Variants in GPLD1 observed in about 807,000 individuals in gnomAD.
The protein encoded by GPLD1 is glycosylphosphatidylinositol specific phospholipase D1, also known as phosphatidylinositol-glycan-specific phospholipase D.
GPLD1 carries 84 observed loss-of-function variants against 112.6 expected under a neutral mutation model. The ratio of observed to expected loss-of-function variants is 0.75; its 90% CI spans 0.63 to 0.89. The LOEUF (loss-of-function observed/expected upper bound fraction) is 0.89. Ranked by LOEUF, GPLD1 falls within the 40% of genes least tolerant of loss-of-function variation. The probability of loss-of-function intolerance (pLI) is 0.00; values close to 1 mark genes in which losing one functional copy is unlikely to be tolerated. For synonymous variants in GPLD1, 386 were observed against 403.8 expected, an observed-to-expected ratio of 0.96 and a Z score of 0.53; for missense variants, 1,044 against 1,051.5, an observed-to-expected ratio of 0.99 and a Z score of 0.10.
chr6:24,487,622 A>G (rs1764421591), intron 1 of GPLD1, among the ~76,000 whole-genome samples: 1 of 152,212 alleles, frequency 6.6e-6, no homozygotes, highest in African/African-American at 2.4e-5. Flanking sequence ...AACTTCACAG[A>G]ACATAGAACT....
intron 15 of GPLD1, among the ~76,000 whole-genome samples, chr6:24,449,262 C>T (rs1441148196): frequency 5.3e-5 from 8 of 151,992 alleles, no homozygotes; most frequent in Non-Finnish European, 1.0e-4. Context: ...CAGAGGGCAG[C>T]TGGCAAGGGA....
At chr6:24,435,842 AAAAAAG>A (rs1424341279) in intron 22 of GPLD1, 20 of 149,262 alleles carry the variant, frequency 1.3e-4, no homozygotes, top group South Asian at 4.3e-4. Context: ...AAAAAAAAAA[AAAAAAG>A]TTAAATAATG....
intron 5 of GPLD1, among the ~76,000 whole-genome samples, chr6:24,474,734 G>A (rs530571045): frequency 1.3e-5 from 2 of 152,192 alleles, no homozygotes; most frequent in African/African-American, 4.8e-5. Context: ...GAGGTCAGGA[G>A]ATCAAGACCA....
upstream of GPLD1, among the ~76,000 whole-genome samples, chr6:24,492,229 G>C (rs1260710285): frequency 6.6e-6 from 1 of 152,092 alleles, no homozygotes; most frequent in Non-Finnish European, 1.5e-5. Context: ...AAGAGGCTGG[G>C]CACAGTGTCT....
At chr6:24,440,555 T>C (rs1762711608) in intron 20 of GPLD1, among the ~76,000 whole-genome samples, 1 of 116,864 alleles carries the variant, frequency 8.6e-6, no homozygotes, top group Admixed American at 9.7e-5. Context: ...TTATATTTGA[T>C]CATTATCAAA....
At chr6:24,494,804 G>A in intron 1 of GPLD1, 3 of 573,168 alleles carry the variant, frequency 5.2e-6, no homozygotes, top group Non-Finnish European at 7.6e-6. Flanking sequence ...AGGTGCAGAG[G>A]GCGGCGCGGC....
chr6:24,430,621 G>A (rs115955056), intron 24 of GPLD1, among the ~76,000 whole-genome samples: 1,590 of 152,216 alleles, frequency 0.01, 15 homozygotes, highest in Non-Finnish European at 0.016. Flanking sequence ...AGTAGACGCC[G>A]GATCCTAATT....
At chr6:24,477,436 T>C (rs1473752401) in intron 3 of GPLD1, among the ~76,000 whole-genome samples, 1 of 152,030 alleles carries the variant, frequency 6.6e-6, no homozygotes, top group East Asian at 1.9e-4. Flanking sequence ...ATGAAGAGTT[T>C]TGCTGGGTGC....
intron 7 of GPLD1, 34 bp from the exon 8 acceptor site, chr6:24,467,308 G>T: frequency 1.7e-6 from 2 of 1,146,722 alleles, no homozygotes; most frequent in South Asian, 1.2e-5. Context: ...GAGTTGTTTT[G>T]ATTCTGAAGC....
rs770307609 is a variant in GPLD1 at position 24,436,642 on chromosome 6, T to A, written c.2292A>T (p.Lys764Asn). 6.2e-7 allele frequency: 1 copy of A among 1,613,952 alleles called. No individual in the cohort carries two copies. The highest frequency in any genetic ancestry group is 8.5e-7 in the Non-Finnish European group (1 of 1,179,936). ...CAGTCATGTCACCAAGGGTGGTCTCTTTGCCATTATATACATATACTCGGC... is the reference window on the plus strand; with the variant it reads ...CAGTCATGTCACCAAGGGTGGTCTCATTGCCATTATATACATATACTCGGC... The part of the protein sequence containing the change: ...EDGRVYVYNG[K>N]ETTLGDMTGK... Residue 764 changes from lysine to asparagine, a missense_variant, in exon 22 of 25, where the codon AAA becomes AAT. Coordinates refer to ENST00000230036, the MANE Select transcript of GPLD1 (RefSeq NM_001503.4).
At chr6:24,484,823 A>C (rs748222962) in intron 2 of GPLD1, among the ~76,000 whole-genome samples, 29 of 152,356 alleles carry the variant, frequency 1.9e-4, no homozygotes, top group Non-Finnish European at 2.8e-4. Flanking sequence ...TCTTACGACT[A>C]AAAGTATTTT....
At chr6:24,457,679 G>A (rs987435093) in intron 12 of GPLD1, among the ~76,000 whole-genome samples, 3 of 151,928 alleles carry the variant, frequency 2.0e-5, no homozygotes, top group Non-Finnish European at 4.4e-5. Flanking sequence ...TCAGGAGTTC[G>A]AGACCAGCCT....
rs771463934 is a variant in GPLD1 at position 24,425,884 on chromosome 6, A to G, written c.*3148T>C. The G allele has an allele frequency of 2.0e-5, 3 of 152,242 alleles. No individual in the cohort carries two copies. The highest frequency in any genetic ancestry group is 4.4e-5 in the Non-Finnish European group (3 of 68,046). The allele number at this position is 152,242 out of a possible 1,614,324, so 9.4% of individuals were successfully genotyped here. ...GTGAGTTATTCCAAGAGTTGTATAC[A>G]GCTTTATTTTTTGGAATTGCAATAT... is the stretch of plus-strand genomic sequence containing the variant. On this transcript the variant is annotated 3_prime_UTR_variant, in exon 25 of 25. Transcript: ENST00000230036.
chr6:24,439,769 T>G (rs368716367), intron 20 of GPLD1, among the ~76,000 whole-genome samples: 1 of 152,236 alleles, frequency 6.6e-6, no homozygotes, highest in Non-Finnish European at 1.5e-5. Flanking sequence ...AAGGGCTACA[T>G]GCAGAGGCCT....
At position 24,476,274 on chromosome 6, in the gene GPLD1, T is replaced by C. The variant is rs1276393306; in HGVS notation, c.237A>G (p.Lys79=). 2.6e-6 allele frequency: 4 copies of C among 1,522,548 alleles called. No individual in the cohort carries two copies. Among genetic ancestry groups the C allele is most frequent in the Non-Finnish European group, 3.6e-6 (4 of 1,114,408 alleles). The allele number at this position is 1,522,548 out of a possible 1,614,324, so 94.3% of individuals were successfully genotyped here. A position where few individuals can be genotyped will look rare whatever the true frequency, so the allele number is the denominator to read the frequency against. ...GAGTGCTCTCAGACACATCATGGAA[T>C]TTTCCTGACAAAACAAAAGCAGGGC... is the stretch of plus-strand genomic sequence containing the variant. The part of the protein sequence containing the change: ...CFYPSICKGG[K]FHDVSESTHW... Residue 79 remains lysine, a synonymous_variant, in exon 4 of 25, where the codon AAA becomes AAG. Transcript: ENST00000230036.
chr6:24,451,519 G>C (rs1319542668), intron 14 of GPLD1, among the ~76,000 whole-genome samples: 1 of 152,168 alleles, frequency 6.6e-6, no homozygotes, highest in Non-Finnish European at 1.5e-5. Context: ...TGTATTTTTA[G>C]TAGAGACGGG....
At chr6:24,480,701 G>T (rs1457786164) in intron 2 of GPLD1, among the ~76,000 whole-genome samples, 1 of 152,164 alleles carries the variant, frequency 6.6e-6, no homozygotes, top group African/African-American at 2.4e-5. Flanking sequence ...AAAGTAGATG[G>T]TAGCGGTTTT....
At position 24,464,054 on chromosome 6, in the gene GPLD1, G is replaced by A. The variant is rs1355487448; in HGVS notation, c.822-1259C>T. ...AAACCAAAATTGAACACCAAAAAATGTTTTCCAGTTTGGATTATATAAAAC... is the reference window on the plus strand; with the variant it reads ...AAACCAAAATTGAACACCAAAAAATATTTTCCAGTTTGGATTATATAAAAC... On this transcript the variant is annotated intron_variant, in intron 10 of 24. Transcript: ENST00000230036. Among the ~76,000 whole-genome samples the A allele has an allele frequency of 2.0e-5, 3 of 151,814 alleles. No individual in the cohort carries two copies. The East Asian group carries it at 5.8e-4, about 29-fold the overall frequency.
chr6:24,485,672 C>CTTTTTTT, intron 2 of GPLD1, among the ~76,000 whole-genome samples: 1 of 147,216 alleles, frequency 6.8e-6, no homozygotes, highest in Admixed American at 6.7e-5. Context: ...AATAATGAGT[C>CTTTTTTT]TCTTTTTTTT....
Sources: allele counts gnomAD v4.1 joint callset (sites outside exome capture counted in the v4.1 genomes callset), GRCh38; gene constraint gnomAD v4.1.1; transcripts MANE v1.5; gene names NCBI Gene and HGNC (gene_info 2026-07-23, HGNC 2026-07-21).